Variants in EXT1 observed in about 807,000 individuals in gnomAD.
The protein encoded by EXT1 is exostosin glycosyltransferase 1.
Under a neutral mutation model 82.5 loss-of-function variants are expected in EXT1, and 20 were observed. The ratio of observed to expected loss-of-function variants is 0.24; its 90% CI spans 0.17 to 0.35. EXT1 has a LOEUF of 0.35. Among genes scored for constraint, EXT1 ranks in the 10% least tolerant of loss-of-function variants. The probability of loss-of-function intolerance (pLI) is 1.00; values close to 1 mark genes in which losing one functional copy is unlikely to be tolerated. For missense variants in EXT1, 757 were observed against 936.5 expected, an observed-to-expected ratio of 0.81 and a Z score of 2.50; for synonymous variants, 348 against 350.8, an observed-to-expected ratio of 0.99 and a Z score of 0.09.
rs149277279 is a variant in EXT1, at chr8:117,853,559, G to A, written c.963-16358C>T. Among the ~76,000 whole-genome samples, 1,193 of 152,194 alleles carry A rather than the reference G, an allele frequency of 7.8e-3. 7 individuals carry two copies. Among genetic ancestry groups the A allele is most frequent in the South Asian group, 0.041 (199 of 4,810 alleles). On this transcript the variant is annotated intron_variant, in intron 1 of 10. Transcript: ENST00000378204. ...CCTGCTAAGCAATAACTAAGGCAAC[G>A]GACATTGACCCACGTTACAGATAGT... is the stretch of plus-strand genomic sequence containing the variant.
chr8:118,061,486 C>A (rs1440607218), intron 1 of EXT1, among the ~76,000 whole-genome samples: 1 of 152,144 alleles, frequency 6.6e-6, no homozygotes, highest in East Asian at 1.9e-4. Context: ...TGTAGAATCA[C>A]GGGATGGCTC....
intron 1 of EXT1, among the ~76,000 whole-genome samples, chr8:117,921,581 G>A (rs1440023139): frequency 6.6e-6 from 1 of 152,208 alleles, no homozygotes; most frequent in Non-Finnish European, 1.5e-5. Flanking sequence ...GGGGCAGAGG[G>A]AAAGGGGCTG....
intron 1 of EXT1, among the ~76,000 whole-genome samples, chr8:117,866,228 CA>C (rs1185491344): frequency 6.6e-6 from 1 of 152,008 alleles, no homozygotes; most frequent in Non-Finnish European, 1.5e-5. Flanking sequence ...CAGTCTCAAA[CA>C]AAGAAGTTAA....
intron 4 of EXT1, among the ~76,000 whole-genome samples, chr8:117,824,006 T>C (rs1308916012): frequency 6.6e-6 from 1 of 152,198 alleles, no homozygotes; most frequent in Non-Finnish European, 1.5e-5. Context: ...GGTTAGCAAT[T>C]TCACTTTGTA....
intron 1 of EXT1, among the ~76,000 whole-genome samples, chr8:117,952,203 C>T (rs1250015809): frequency 6.6e-6 from 1 of 152,206 alleles, no homozygotes; most frequent in African/African-American, 2.4e-5. Flanking sequence ...TTTAAATACA[C>T]ATCACCACAT....
intron 1 of EXT1, among the ~76,000 whole-genome samples, chr8:117,909,764 AT>A (rs67456627): frequency 0.3 from 45,504 of 151,646 alleles, 7,129 homozygotes; most frequent in East Asian, 0.37. Flanking sequence ...TTGTAAATTA[AT>A]TTTTTTTTAT....
intron 1 of EXT1, among the ~76,000 whole-genome samples, chr8:118,098,228 G>C (rs1053176707): frequency 6.6e-6 from 1 of 152,120 alleles, no homozygotes; most frequent in African/African-American, 2.4e-5. Context: ...CCTGCTACAC[G>C]TCCAAGCTAG....
chr8:117,948,290 G>A (rs187968113), intron 1 of EXT1, among the ~76,000 whole-genome samples: 1 of 122,882 alleles, frequency 8.1e-6, no homozygotes, highest in Admixed American at 1.0e-4. Context: ...GAGGTGAGAG[G>A]CAGAAAGAAG....
rs567759596 is a variant in EXT1, at chr8:117,919,193, GTT to G, written c.963-81994_963-81993del. On this transcript the variant is annotated intron_variant, in intron 1 of 10. Transcript: ENST00000378204. ...AATTAATTAAGAAGACATCTGAGGT[GTT>G]TTTTTTTTTGGAGACAAGGTGTCAT... Among the ~76,000 whole-genome samples, 508 of 145,810 alleles carry G rather than the reference GTT, an allele frequency of 3.5e-3. 3 individuals carry two copies. Among genetic ancestry groups the G allele is most frequent in the African/African-American group, 0.011 (461 of 40,268 alleles).
intron 1 of EXT1, among the ~76,000 whole-genome samples, chr8:118,020,204 G>A (rs1163271724): frequency 6.6e-6 from 1 of 152,168 alleles, no homozygotes; most frequent in East Asian, 1.9e-4. Context: ...AATTACTAGA[G>A]GATGCAATCG....
In EXT1 at chr8:118,045,485, C is replaced by T. The variant is rs17505534; in HGVS notation, c.962+64600G>A. On this transcript the variant is annotated intron_variant, in intron 1 of 10. Transcript: ENST00000378204. ...GAGAGGTCCCTCATCCCCAAATGTGCAATCTGGGGCATGTGCGTATTAACA... is the reference window on the plus strand; with the variant it reads ...GAGAGGTCCCTCATCCCCAAATGTGTAATCTGGGGCATGTGCGTATTAACA... Among the ~76,000 whole-genome samples, 534 of 152,266 alleles carry T rather than the reference C, an allele frequency of 3.5e-3. 4 individuals are homozygous for T. The highest frequency in any genetic ancestry group is 0.012 in the African/African-American group (482 of 41,540).
intron 1 of EXT1, among the ~76,000 whole-genome samples, chr8:117,952,022 C>G (rs1393102634): frequency 1.3e-5 from 2 of 152,174 alleles, no homozygotes; most frequent in Non-Finnish European, 2.9e-5. Context: ...TTTGCTGACC[C>G]TGGTTTAGAT....
intron 1 of EXT1, among the ~76,000 whole-genome samples, chr8:117,978,549 T>A (rs1347979614): frequency 1.3e-5 from 2 of 152,122 alleles, no homozygotes; most frequent in Non-Finnish European, 2.9e-5. Context: ...CATATTTCTG[T>A]TTGAGGATTA....
Position 117,849,075 on chromosome 8 carries a change from A to G in EXT1, c.963-11874T>C, listed in dbSNP as rs556261885. Among the ~76,000 whole-genome samples, 101 of 152,328 alleles carry G rather than the reference A, an allele frequency of 6.6e-4. 1 individual carries two copies. Among genetic ancestry groups the G allele is most frequent in the African/African-American group, 2.4e-3 (98 of 41,566 alleles). ...TTCTTGACAGAGAATGCTAACTTCT[A>G]TCTCTTGCACTTGCACTTGCTGTGC... On this transcript the variant is annotated intron_variant, in intron 1 of 10. Coordinates refer to ENST00000378204, the MANE Select transcript of EXT1 (RefSeq NM_000127.3).
intron 1 of EXT1, among the ~76,000 whole-genome samples, chr8:118,074,683 G>A (rs995490305): frequency 6.6e-6 from 1 of 152,186 alleles, no homozygotes; most frequent in African/African-American, 2.4e-5. Context: ...ATTTCTCCAG[G>A]CAAGAGAAAG....
At position 118,047,072 on chromosome 8, in the gene EXT1, G is replaced by GGA. The variant is rs1406695368; in HGVS notation, c.962+63012_962+63013insTC. Among the ~76,000 whole-genome samples, 276 of 152,270 alleles carry GGA rather than the reference G, an allele frequency of 1.8e-3. 2 individuals are homozygous for GGA. The highest frequency in any genetic ancestry group is 6.5e-3 in the African/African-American group (269 of 41,538). ...GTAATTCATTTTACTCCAAAAATGG[G>GGA]GTAAAGCAGTGGTTCTCAGTCTGGC... is the stretch of plus-strand genomic sequence containing the variant. On this transcript the variant is annotated intron_variant, in intron 1 of 10. Coordinates refer to ENST00000378204, the MANE Select transcript of EXT1 (RefSeq NM_000127.3).
chr8:117,999,772 T>C (rs1224080682), intron 1 of EXT1, among the ~76,000 whole-genome samples: 3 of 152,080 alleles, frequency 2.0e-5, no homozygotes. Context: ...CTTCATTCAA[T>C]AGTTCACAAA....
chr8:117,824,214 G>A (rs985278074), intron 4 of EXT1, among the ~76,000 whole-genome samples: 3 of 151,920 alleles, frequency 2.0e-5, no homozygotes, highest in Admixed American at 6.6e-5. Context: ...ATTATAAATC[G>A]AACCTACAGA....
At chr8:117,816,068 CAAT>C (rs1811807470) in intron 7 of EXT1, among the ~76,000 whole-genome samples, 1 of 151,808 alleles carries the variant, frequency 6.6e-6, no homozygotes, top group Non-Finnish European at 1.5e-5. Context: ...ATATAAAACA[CAAT>C]AATAGTTAAG....
Sources: allele counts gnomAD v4.1 joint callset (sites outside exome capture counted in the v4.1 genomes callset), GRCh38; gene constraint gnomAD v4.1.1; transcripts MANE v1.5; gene names NCBI Gene and HGNC (gene_info 2026-07-23, HGNC 2026-07-21).